Variants in TMEM63C observed in about 807,000 individuals in gnomAD.
TMEM63C encodes transmembrane protein 63C, also known as osmosensitive cation channel TMEM63C.
TMEM63C carries 32 observed loss-of-function variants against 99.2 expected under a neutral mutation model. That is an observed-to-expected ratio of 0.32 (90% CI 0.24 to 0.43). TMEM63C has a LOEUF of 0.43. Ranked by LOEUF, TMEM63C falls within the 20% of genes least tolerant of loss-of-function variation. The probability of loss-of-function intolerance (pLI) is 1.00; values close to 1 mark genes in which losing one functional copy is unlikely to be tolerated. For synonymous variants in TMEM63C, 376 were observed against 397.9 expected, an observed-to-expected ratio of 0.94 and a Z score of 0.66; for missense variants, 826 against 1,053.0, an observed-to-expected ratio of 0.78 and a Z score of 2.98.
At chr14:77,251,304 C>T (rs1318279022) in intron 21 of TMEM63C, among the ~76,000 whole-genome samples, 1 of 152,220 alleles carries the variant, frequency 6.6e-6, no homozygotes, top group Non-Finnish European at 1.5e-5. Flanking sequence ...AGTTAGAAAA[C>T]TGCTGCCGTA....
At chr14:77,203,719 G>T (rs903737593) in intron 1 of TMEM63C, among the ~76,000 whole-genome samples, 3 of 152,262 alleles carry the variant, frequency 2.0e-5, no homozygotes, top group Admixed American at 1.3e-4. Flanking sequence ...TTCAGTGCAG[G>T]GTGGCTCTAT....
chr14:77,233,643 A>C, intron 8 of TMEM63C, 143 bp downstream of exon 8: 2 of 820,782 alleles, frequency 2.4e-6, no homozygotes, highest in South Asian at 3.1e-5. Context: ...CCTGAGTGAG[A>C]TGCCAGAAGC....
chr14:77,194,735 A>G (rs1888187276), intron 1 of TMEM63C, among the ~76,000 whole-genome samples: 1 of 31,226 alleles, frequency 3.2e-5, no homozygotes, highest in African/African-American at 6.6e-5. Flanking sequence ...CACCACATCC[A>G]GCTAATTTTT....
intron 1 of TMEM63C, among the ~76,000 whole-genome samples, chr14:77,207,973 T>C (rs1365838025): frequency 6.6e-6 from 1 of 152,208 alleles, no homozygotes; most frequent in Non-Finnish European, 1.5e-5. Flanking sequence ...AGGAGGGGGC[T>C]GTGGAACCAG....
chr14:77,199,883 C>T (rs1015310323), intron 1 of TMEM63C, among the ~76,000 whole-genome samples: 6 of 152,144 alleles, frequency 3.9e-5, no homozygotes, highest in South Asian at 2.1e-4. Flanking sequence ...GAAGTGGAGG[C>T]GGGCAAGAAA....
At chr14:77,224,294 CCCG>C (rs767902480) in intron 5 of TMEM63C, among the ~76,000 whole-genome samples, 10 of 151,998 alleles carry the variant, frequency 6.6e-5, no homozygotes, top group Non-Finnish European at 1.2e-4. Context: ...CGGCATAAGG[CCCG>C]CCTTCTAAGT....
intron 2 of TMEM63C, among the ~76,000 whole-genome samples, chr14:77,214,014 A>G (rs1392529461): frequency 6.6e-6 from 1 of 152,046 alleles, no homozygotes; most frequent in East Asian, 1.9e-4. Context: ...AGTGAGCACA[A>G]GCAGCCCAGA....
chr14:77,243,200 TGGC>T, intron 15 of TMEM63C, 144 bp downstream of exon 15: 1 of 1,018,014 alleles, frequency 9.8e-7, no homozygotes, highest in Non-Finnish European at 1.4e-6. Context: ...ATGGTGCAAA[TGGC>T]GGGGTAGGGC....
At chr14:77,225,503 G>A in intron 6 of TMEM63C, 42 bp downstream of exon 6, 1 of 1,607,358 alleles carries the variant, frequency 6.2e-7, no homozygotes, top group Non-Finnish European at 8.5e-7. Context: ...GTGTTGCCTT[G>A]GGGGTGGGGG....
At chr14:77,230,746 G>C (rs902225331) in intron 6 of TMEM63C, among the ~76,000 whole-genome samples, 4 of 152,022 alleles carry the variant, frequency 2.6e-5, no homozygotes, top group African/African-American at 9.7e-5. Flanking sequence ...CCACACCCAG[G>C]TCCATGGAAA....
chr14:77,183,459 A>G (rs1887946585), intron 1 of TMEM63C, among the ~76,000 whole-genome samples: 1 of 152,176 alleles, frequency 6.6e-6, no homozygotes, highest in Non-Finnish European at 1.5e-5. Flanking sequence ...TTACCTTCCC[A>G]TCATGCCCCC....
intron 5 of TMEM63C, among the ~76,000 whole-genome samples, chr14:77,222,498 G>A (rs891682918): frequency 1.3e-5 from 2 of 152,302 alleles, no homozygotes; most frequent in Admixed American, 6.5e-5. Context: ...CCTGCCTGGG[G>A]ACATATATTC....
intron 19 of TMEM63C, 125 bp from the exon 20 acceptor site, chr14:77,248,642 G>T (rs760119540): frequency 3.4e-5 from 50 of 1,492,010 alleles, no homozygotes; most frequent in Non-Finnish European, 4.5e-5. Flanking sequence ...GGGCACCTTG[G>T]TCTACAGGGT....
chr14:77,202,892 A>G (rs1888326005), intron 1 of TMEM63C, among the ~76,000 whole-genome samples: 1 of 150,702 alleles, frequency 6.6e-6, no homozygotes, highest in South Asian at 2.1e-4. Context: ...TACCTGGCAC[A>G]TGGAACTGAG....
chr14:77,194,920 G>C lies in TMEM63C; in HGVS notation c.-77+13026G>C, dbSNP rs547637409. 1.1e-4 allele frequency among the ~76,000 whole-genome samples: 17 copies of C among 151,840 alleles called. 1 individual carries two copies. The East Asian group carries it at 1.7e-3, about 16-fold the overall frequency. ...CATTGTGTATTATTTTGAATGGTTT[G>C]ATTTTTTTCCCCCTAAGCATGTTAT... On this transcript the variant is annotated intron_variant, in intron 1 of 23. Transcript: ENST00000298351.
intron 6 of TMEM63C, among the ~76,000 whole-genome samples, chr14:77,227,585 T>C (rs1888851612): frequency 6.6e-6 from 1 of 152,058 alleles, no homozygotes; most frequent in Admixed American, 6.6e-5. Flanking sequence ...TGGGAGCAGA[T>C]GGGTCATCCA....
intron 5 of TMEM63C, among the ~76,000 whole-genome samples, chr14:77,224,858 G>T (rs1047798065): frequency 6.6e-6 from 1 of 152,004 alleles, no homozygotes; most frequent in Admixed American, 6.5e-5. Context: ...TTAATAAGTG[G>T]GGTCTTGCTG....
At chr14:77,208,318 C>T (rs114036556) in intron 1 of TMEM63C, among the ~76,000 whole-genome samples, 4,393 of 152,230 alleles carry the variant, frequency 0.029, 180 homozygotes, top group African/African-American at 0.1. Flanking sequence ...ACAGAGTTCA[C>T]GTCCTTTCAC....
At chr14:77,227,359 C>A (rs1208372529) in intron 6 of TMEM63C, among the ~76,000 whole-genome samples, 1 of 151,754 alleles carries the variant, frequency 6.6e-6, no homozygotes, top group Non-Finnish European at 1.5e-5. Context: ...AGGTTGTGGC[C>A]TAGTTAAGAA....
Sources: gnomAD v4.1 joint callset for allele counts (sites outside exome capture counted in the v4.1 genomes callset) on GRCh38, gnomAD v4.1.1 for gene constraint, MANE v1.5 for transcripts, NCBI Gene and HGNC (gene_info 2026-07-23, HGNC 2026-07-21) for gene names.